CDH13: variants seen among roughly 807,000 people sequenced by gnomAD.
The protein encoded by CDH13 is cadherin 13.
A neutral mutation model predicts 63.8 loss-of-function variants in CDH13; 24 were observed. The ratio of observed to expected loss-of-function variants is 0.38; its 90% CI spans 0.27 to 0.53. The LOEUF is 0.53. Ranked by LOEUF, CDH13 falls within the 20% of genes least tolerant of loss-of-function variation. The pLI, the probability that CDH13 is intolerant of heterozygous loss-of-function variation, is 0.85. For synonymous variants in CDH13, 503 were observed against 355.3 expected (o/e 1.42, Z -4.67); for missense variants, 1,049 against 903.1 (o/e 1.16, Z -2.07).
intron 1 of CDH13, among the ~76,000 whole-genome samples, chr16:82,685,719 G>C (rs747825929): frequency 1.3e-5 from 2 of 152,306 alleles, no homozygotes; most frequent in East Asian, 3.9e-4. Context: ...GCCTGGCTCA[G>C]GCAGCTTTCG....
At chr16:83,153,324 G>A (rs541906476) in intron 4 of CDH13, among the ~76,000 whole-genome samples, 3 of 152,156 alleles carry the variant, frequency 2.0e-5, no homozygotes, top group East Asian at 1.9e-4. Flanking sequence ...TCTCTATCTG[G>A]GTGGTGCCAG....
intron 5 of CDH13, among the ~76,000 whole-genome samples, chr16:83,246,768 G>A (rs780611707): frequency 9.9e-5 from 15 of 152,176 alleles, no homozygotes; most frequent in Non-Finnish European, 1.8e-4. Context: ...CTTCCTTGCT[G>A]AAACCATTGA....
chr16:82,723,141 G>T (rs527671608), intron 1 of CDH13: 1 of 152,240 alleles, frequency 6.6e-6, no homozygotes, highest in Non-Finnish European at 1.5e-5. Context: ...GGGAAGGAGG[G>T]GTTCCACATG....
chr16:83,249,126 A>G (rs1181154247), intron 5 of CDH13, among the ~76,000 whole-genome samples: 1 of 152,164 alleles, frequency 6.6e-6, no homozygotes, highest in African/African-American at 2.4e-5. Flanking sequence ...CTGGACCTTC[A>G]TGTCGTTCTC....
intron 1 of CDH13, among the ~76,000 whole-genome samples, chr16:82,721,200 G>C (rs1166357085): frequency 6.6e-6 from 1 of 152,078 alleles, no homozygotes; most frequent in East Asian, 1.9e-4. Flanking sequence ...CTATCAAAAA[G>C]CATAAGACAT....
intron 1 of CDH13, among the ~76,000 whole-genome samples, chr16:82,805,730 G>A (rs528523775): frequency 2.6e-5 from 4 of 152,242 alleles, no homozygotes; most frequent in African/African-American, 4.8e-5. Flanking sequence ...TGCTTTTGCC[G>A]AAGGAATTCT....
At chr16:83,282,622 C>T (rs937234530) in intron 5 of CDH13, among the ~76,000 whole-genome samples, 14 of 152,172 alleles carry the variant, frequency 9.2e-5, no homozygotes, top group African/African-American at 3.4e-4. Context: ...CAGACAGTTA[C>T]TGTCCTTAGT....
intron 2 of CDH13, among the ~76,000 whole-genome samples, chr16:82,860,000 C>T (rs970977775): frequency 6.6e-6 from 1 of 152,150 alleles, no homozygotes; most frequent in Non-Finnish European, 1.5e-5. Flanking sequence ...ACTCCTGGGT[C>T]AGGCCATTAG....
chr16:83,520,483 G>T (rs1370065688), intron 7 of CDH13, among the ~76,000 whole-genome samples: 1 of 152,100 alleles, frequency 6.6e-6, no homozygotes, highest in African/African-American at 2.4e-5. Flanking sequence ...CTCTGAGGGA[G>T]CAAACACAGC....
rs1904279751 is a variant in CDH13, at chr16:83,796,147, A to C, written c.*1117A>C. 1 of 152,642 alleles carries C rather than the reference A, an allele frequency of 6.6e-6. No individual in the cohort carries two copies. The highest frequency in any genetic ancestry group is 1.5e-5 in the Non-Finnish European group (1 of 68,046). The allele number at this position is 152,642 out of a possible 1,614,324, so 9.5% of individuals were successfully genotyped here. On this transcript the variant is annotated 3_prime_UTR_variant, in exon 14 of 14. Transcript: ENST00000567109. ...TAAAAGACGTTCATTATGTATGAAAAGTAACTGATTTGTATTCTGTGAGCA... is the reference window on the plus strand; with the variant it reads ...TAAAAGACGTTCATTATGTATGAAACGTAACTGATTTGTATTCTGTGAGCA...
At chr16:82,713,477 G>T (rs2032114062) in intron 1 of CDH13, among the ~76,000 whole-genome samples, 1 of 152,130 alleles carries the variant, frequency 6.6e-6, no homozygotes, top group African/African-American at 2.4e-5. Context: ...CAGCACTGTT[G>T]GGTGTCCCTT....
chr16:83,260,748 C>CAT (rs1906889949), intron 5 of CDH13, among the ~76,000 whole-genome samples: 1 of 152,150 alleles, frequency 6.6e-6, no homozygotes, highest in Non-Finnish European at 1.5e-5. Flanking sequence ...CCTTCAAGGG[C>CAT]ATCTTATTGT....
intron 2 of CDH13, among the ~76,000 whole-genome samples, chr16:82,869,336 C>T (rs1485742021): frequency 6.6e-6 from 1 of 151,744 alleles, no homozygotes; most frequent in African/African-American, 2.4e-5. Context: ...AACCACTGCG[C>T]TCAGCGGGAA....
intron 2 of CDH13, among the ~76,000 whole-genome samples, chr16:83,027,173 C>T (rs1183399909): frequency 7.6e-6 from 1 of 131,566 alleles, no homozygotes; most frequent in Non-Finnish European, 1.6e-5. Context: ...TGGAGAGTAA[C>T]TGAGCAAAGT....
intron 7 of CDH13, among the ~76,000 whole-genome samples, chr16:83,540,763 G>T (rs2075283571): frequency 1.3e-5 from 2 of 152,144 alleles, no homozygotes; most frequent in African/African-American, 2.4e-5. Context: ...AGCCACAGCT[G>T]GAATTACAGG....
intron 1 of CDH13, among the ~76,000 whole-genome samples, chr16:82,810,910 G>A (rs2037409033): frequency 6.6e-6 from 1 of 152,064 alleles, no homozygotes; most frequent in Admixed American, 6.6e-5. Context: ...GGACATGGAG[G>A]TCTTTGCAAT....
At chr16:82,671,499 A>C (rs1205715424) in intron 1 of CDH13, among the ~76,000 whole-genome samples, 1 of 152,240 alleles carries the variant, frequency 6.6e-6, no homozygotes, top group Non-Finnish European at 1.5e-5. Flanking sequence ...CAGTTGTTTA[A>C]GAAAACGATT....
intron 7 of CDH13, among the ~76,000 whole-genome samples, chr16:83,556,067 T>C (rs1226689171): frequency 6.6e-6 from 1 of 152,230 alleles, no homozygotes; most frequent in East Asian, 1.9e-4. Context: ...TAAATGACTT[T>C]ACAAAAAGAC....
chr16:82,647,987 C>T (rs557625585), intron 1 of CDH13, among the ~76,000 whole-genome samples: 67 of 152,282 alleles, frequency 4.4e-4, no homozygotes, highest in Non-Finnish European at 1.3e-4. Flanking sequence ...CTCACGAGAT[C>T]TGAGGGTTTC....
Sources: allele counts gnomAD v4.1 joint callset (sites outside exome capture counted in the v4.1 genomes callset), GRCh38; gene constraint gnomAD v4.1.1; transcripts MANE v1.5; gene names NCBI Gene and HGNC (gene_info 2026-07-23, HGNC 2026-07-21).